The following MAGI3 variants were observed in gnomAD, a reference collection of about 807,000 sequenced individuals.
MAGI3 encodes the protein membrane associated guanylate kinase, WW and PDZ domain containing 3, also known as membrane-associated guanylate kinase, WW and PDZ domain-containing protein 3.
Under a neutral mutation model 121.8 loss-of-function variants are expected in MAGI3, and 43 were observed. That is an observed-to-expected ratio of 0.35 (90% CI 0.28 to 0.46). The LOEUF (loss-of-function observed/expected upper bound fraction) is 0.46. Ranked by LOEUF, MAGI3 falls within the 20% of genes least tolerant of loss-of-function variation. MAGI3 has a pLI of 1.00. For missense variants in MAGI3, 1,547 were observed against 1,797.3 expected (o/e 0.86, Z 2.52); for synonymous variants, 553 against 639.3 (o/e 0.86, Z 2.04).
At chr1:113,401,434 T>G (rs1041600862) in intron 1 of MAGI3, among the ~76,000 whole-genome samples, 5 of 152,158 alleles carry the variant, frequency 3.3e-5, no homozygotes, top group Non-Finnish European at 5.9e-5. Context: ...AAGTAGTTAT[T>G]TCCAAGAATT....
intron 7 of MAGI3, among the ~76,000 whole-genome samples, chr1:113,617,981 G>T (rs919077344): frequency 4.6e-5 from 7 of 152,180 alleles, no homozygotes. Context: ...TACGTCTGTT[G>T]TGGAACTGAT....
In MAGI3 at chr1:113,642,427, A is replaced by G. The variant is rs750619670; in HGVS notation, c.1877A>G (p.Asn626Ser). The G allele has an allele frequency of 8.6e-5, 139 of 1,614,034 alleles. 1 individual carries two copies. The highest frequency in any genetic ancestry group is 1.6e-4 in the Middle Eastern group (1 of 6,084). The change falls in exon 10 of 21, where the codon AAT (asparagine) becomes AGT (serine). Residue 626 changes from asparagine to serine, a missense_variant. Physicochemically the swap from Asn to Ser is conservative, Grantham distance 46. Coordinates refer to ENST00000307546, the MANE Select transcript of MAGI3 (RefSeq NM_001142782.2). ...ATAATTAAGGAAATATACCATCAAA[A>G]TGTGCAGAATTTAACACATCTCCAA... Reference protein sequence around the residue: ...GDIIKEIYHQNVQNLTHLQVV... With the variant: ...GDIIKEIYHQSVQNLTHLQVV...
At chr1:113,594,906 A>T (rs1570915758) in intron 6 of MAGI3, among the ~76,000 whole-genome samples, 1 of 152,204 alleles carries the variant, frequency 6.6e-6, no homozygotes, top group African/African-American at 2.4e-5. Context: ...TAGGTCTATC[A>T]TGTCTTATGA....
At chr1:113,515,196 C>A (rs1657829602) in intron 1 of MAGI3, among the ~76,000 whole-genome samples, 1 of 151,884 alleles carries the variant, frequency 6.6e-6, no homozygotes, top group Non-Finnish European at 1.5e-5. Flanking sequence ...CGGCAGCAAA[C>A]TTCCAAAGGC....
intron 1 of MAGI3, among the ~76,000 whole-genome samples, chr1:113,484,258 T>C (rs1656244508): frequency 6.6e-6 from 1 of 152,184 alleles, no homozygotes; most frequent in East Asian, 1.9e-4. Context: ...CTAAATTTTT[T>C]TATTTCAGTA....
At chr1:113,642,589 G>A (rs1652610755) in intron 10 of MAGI3, 73 bp downstream of exon 10, 1 of 1,481,694 alleles carries the variant, frequency 6.7e-7, no homozygotes, top group Non-Finnish European at 9.1e-7. Context: ...TTTCCTTACA[G>A]TTTAGAATGT....
In MAGI3 at chr1:113,642,226, C is replaced by A; in HGVS notation, c.1676C>A (p.Ala559Glu). The change falls in exon 10 of 21, where the codon GCA becomes GAA. Residue 559 changes from alanine to glutamate, a missense_variant. Coordinates refer to ENST00000307546, the MANE Select transcript of MAGI3 (RefSeq NM_001142782.2). ...TGDGLNGPSDASEQRVSMASS... is the reference protein window; with the variant it reads ...TGDGLNGPSDESEQRVSMASS... Reference sequence around the variant, plus strand: ...GATGGTCTCAATGGACCATCAGATGCAAGTGAGCAGAGAGTATCCATGGCA... The same window carrying A: ...GATGGTCTCAATGGACCATCAGATGAAAGTGAGCAGAGAGTATCCATGGCA... 1 of 1,614,120 alleles carries A rather than the reference C, an allele frequency of 6.2e-7. No homozygotes were observed. The highest frequency in any genetic ancestry group is 1.1e-5 in the South Asian group (1 of 91,084).
chr1:113,599,899 A>T (rs978818965), intron 6 of MAGI3, among the ~76,000 whole-genome samples: 2,592 of 152,192 alleles, frequency 0.017, 86 homozygotes, highest in African/African-American at 0.059. Context: ...CATCCCTGGG[A>T]TGCAAGGCTG....
chr1:113,534,751 C>G (rs1658886352), intron 1 of MAGI3, among the ~76,000 whole-genome samples: 2 of 152,064 alleles, frequency 1.3e-5, no homozygotes, highest in South Asian at 4.1e-4. Flanking sequence ...CTTCTGTCCT[C>G]TTCGTTTTAT....
At chr1:113,451,223 A>G in intron 1 of MAGI3, among the ~76,000 whole-genome samples, 1 of 152,188 alleles carries the variant, frequency 6.6e-6, no homozygotes, top group East Asian at 1.9e-4. Flanking sequence ...GTTAGCTTGA[A>G]GAATGGACTG....
At chr1:113,551,839 T>C (rs1659802413) in intron 2 of MAGI3, among the ~76,000 whole-genome samples, 1 of 152,110 alleles carries the variant, frequency 6.6e-6, no homozygotes, top group Non-Finnish European at 1.5e-5. Context: ...ATCTTTTTTT[T>C]AATGGTTACC....
intron 9 of MAGI3, among the ~76,000 whole-genome samples, chr1:113,631,970 T>G (rs1651663214): frequency 6.6e-6 from 1 of 152,164 alleles, no homozygotes; most frequent in South Asian, 2.1e-4. Flanking sequence ...CCAGAAAGAT[T>G]TTAGTATTAA....
At chr1:113,532,500 T>C (rs1408612015) in intron 1 of MAGI3, among the ~76,000 whole-genome samples, 1 of 152,146 alleles carries the variant, frequency 6.6e-6, no homozygotes, top group Non-Finnish European at 1.5e-5. Context: ...CATAATCTTA[T>C]CACTAACAGC....
intron 1 of MAGI3, among the ~76,000 whole-genome samples, chr1:113,526,838 T>C (rs1658478072): frequency 6.6e-6 from 1 of 152,008 alleles, no homozygotes; most frequent in Admixed American, 6.6e-5. Context: ...CAGTATTTGG[T>C]GATTGAAGAA....
At chr1:113,593,154 G>A (rs902140668) in intron 5 of MAGI3, among the ~76,000 whole-genome samples, 4 of 152,110 alleles carry the variant, frequency 2.6e-5, no homozygotes, top group Admixed American at 2.6e-4. Context: ...AAACCTTATT[G>A]GCTTCATTTC....
At chr1:113,536,144 GTTTTTTTT>G (rs34587648) in intron 1 of MAGI3, among the ~76,000 whole-genome samples, 27,614 of 145,462 alleles carry the variant, frequency 0.19, 3,561 homozygotes, top group East Asian at 0.63. Context: ...GAAGACATGT[GTTTTTTTT>G]TTTTTTTAAA....
intron 1 of MAGI3, among the ~76,000 whole-genome samples, chr1:113,425,577 C>T (rs1261215978): frequency 1.3e-5 from 2 of 152,032 alleles, no homozygotes; most frequent in African/African-American, 4.8e-5. Flanking sequence ...AGCTACTGCA[C>T]CCAGCCTACA....
intron 2 of MAGI3, among the ~76,000 whole-genome samples, chr1:113,556,253 C>A (rs963986215): frequency 3.9e-5 from 6 of 151,930 alleles, no homozygotes; most frequent in East Asian, 3.8e-4. Flanking sequence ...TAGAAAAAAA[C>A]CAATGAAATA....
intron 1 of MAGI3, among the ~76,000 whole-genome samples, chr1:113,485,125 CATGTGCAAG>C (rs1656321315): frequency 6.6e-6 from 1 of 152,266 alleles, no homozygotes; most frequent in East Asian, 1.9e-4. Context: ...TATAAACATG[CATGTGCAAG>C]TATCTTTTTC....
Sources: allele counts gnomAD v4.1 joint callset (sites outside exome capture counted in the v4.1 genomes callset), GRCh38; gene constraint gnomAD v4.1.1; transcripts MANE v1.5; gene names NCBI Gene and HGNC (gene_info 2026-07-23, HGNC 2026-07-21).